Variants in BTBD10 observed in about 807,000 individuals in gnomAD.
The protein encoded by BTBD10 is BTB/POZ domain-containing protein 10.
In BTBD10, 21 loss-of-function variants were observed where a neutral mutation model predicts 53.2. The ratio of observed to expected loss-of-function variants is 0.39; its 90% CI spans 0.28 to 0.57. The LOEUF (loss-of-function observed/expected upper bound fraction) is 0.57, where lower values mean the gene tolerates loss of function less well. BTBD10 is among the 20% of genes least tolerant of loss of function. BTBD10 has a pLI of 0.53. For synonymous variants in BTBD10, 149 were observed against 192.7 expected, an observed-to-expected ratio of 0.77 and a Z score of 1.88; for missense variants, 360 against 594.7, an observed-to-expected ratio of 0.61 and a Z score of 4.10.
At chr11:13,429,977 G>A (rs898531954) in intron 2 of BTBD10, among the ~76,000 whole-genome samples, 2 of 151,912 alleles carry the variant, frequency 1.3e-5, no homozygotes, top group African/African-American at 2.4e-5. Context: ...GTGGTGGCAG[G>A]CATCTGTGGT....
At position 13,388,712 on chromosome 11, in the gene BTBD10, T is replaced by C; in HGVS notation, c.*119A>G. The C allele has an allele frequency of 8.8e-7, 1 of 1,132,480 alleles. No homozygotes were observed. The allele number at this position is 1,132,480 out of a possible 1,614,324, so 70.2% of individuals were successfully genotyped here. A position where few individuals can be genotyped will look rare whatever the true frequency, so the allele number is the denominator to read the frequency against. ...GTCTTTAAAAAAGCCTACACTGCAA[T>C]ATCCTAAACATTGTTATGTGCATCT... On this transcript the variant is annotated 3_prime_UTR_variant, in exon 9 of 9. Transcript: ENST00000278174.
chr11:13,402,269 G>A (rs1169119277), intron 8 of BTBD10, among the ~76,000 whole-genome samples: 1 of 152,128 alleles, frequency 6.6e-6, no homozygotes, highest in Non-Finnish European at 1.5e-5. Flanking sequence ...AATCAGGTAG[G>A]TCAATGATCA....
chr11:13,437,657 T>A (rs761808289), intron 2 of BTBD10, among the ~76,000 whole-genome samples: 12 of 152,236 alleles, frequency 7.9e-5, no homozygotes, highest in Admixed American at 2.0e-4. Flanking sequence ...GCGTTGCTAG[T>A]CTACTAACTG....
At chr11:13,462,141 T>C (rs1951115383) in intron 1 of BTBD10, among the ~76,000 whole-genome samples, 1 of 152,160 alleles carries the variant, frequency 6.6e-6, no homozygotes, top group Non-Finnish European at 1.5e-5. Context: ...TTCCACAGTC[T>C]CTTTCATTGA....
At position 13,413,266 on chromosome 11, in the gene BTBD10, T is replaced by C. The variant is rs562278368; in HGVS notation, c.808+264A>G. Among the ~76,000 whole-genome samples the C allele has an allele frequency of 1.1e-4, 16 of 152,028 alleles. No homozygotes were observed. In the South Asian group the frequency reaches 3.3e-3, roughly 32 times the overall value. ...TCTAGGAGATAAAACTGGTAACAAA[T>C]AAATAATATAGAAAACTGTCTAGGA... On this transcript the variant is annotated intron_variant, in intron 6 of 8. Coordinates refer to ENST00000278174, the MANE Select transcript of BTBD10 (RefSeq NM_032320.7).
At chr11:13,445,231 A>G in intron 1 of BTBD10, 50 bp from the exon 2 acceptor site, 1 of 684,602 alleles carries the variant, frequency 1.5e-6, no homozygotes, top group Non-Finnish European at 2.5e-6. Context: ...CGCAGAATAA[A>G]ATAGTCATAG....
chr11:13,397,772 T>C (rs1196977202), intron 8 of BTBD10, among the ~76,000 whole-genome samples: 8 of 152,222 alleles, frequency 5.3e-5, no homozygotes, highest in Admixed American at 4.6e-4. Context: ...AAAGTACAGC[T>C]TTATGTCTGC....
At chr11:13,391,996 C>T (rs964518627) in intron 8 of BTBD10, among the ~76,000 whole-genome samples, 1 of 152,148 alleles carries the variant, frequency 6.6e-6, no homozygotes, top group Non-Finnish European at 1.5e-5. Context: ...ACAGGGCAAG[C>T]CTGCCCCTGA....
At chr11:13,444,399 T>C (rs1950717888) in intron 2 of BTBD10, among the ~76,000 whole-genome samples, 1 of 152,148 alleles carries the variant, frequency 6.6e-6, no homozygotes, top group Non-Finnish European at 1.5e-5. Flanking sequence ...TCAATTAACA[T>C]CTTAAAATTT....
intron 6 of BTBD10, among the ~76,000 whole-genome samples, chr11:13,412,385 AGAGGTTGC>A (rs1949976913): frequency 6.6e-6 from 1 of 152,076 alleles, no homozygotes; most frequent in South Asian, 2.1e-4. Context: ...CTCAGGAAGC[AGAGGTTGC>A]AGTGAGCTGA....
At chr11:13,438,957 C>T (rs925236200) in intron 2 of BTBD10, among the ~76,000 whole-genome samples, 4 of 151,874 alleles carry the variant, frequency 2.6e-5, no homozygotes, top group Non-Finnish European at 5.9e-5. Flanking sequence ...ATACAAGATA[C>T]CACGAACAGA....
intron 2 of BTBD10, among the ~76,000 whole-genome samples, chr11:13,435,799 G>T (rs1199059911): frequency 6.6e-6 from 1 of 152,104 alleles, no homozygotes. Context: ...CCACAAAACA[G>T]ATTTCTAAAG....
chr11:13,389,065 T>C lies in BTBD10; in HGVS notation c.1194A>G (p.Arg398=), dbSNP rs1949334368. The C allele has an allele frequency of 6.2e-7, 1 of 1,613,938 alleles. No homozygotes were observed. Among genetic ancestry groups the C allele is most frequent in the African/African-American group, 1.3e-5 (1 of 74,904 alleles). The change falls in exon 9 of 9, where the codon AGA becomes AGG. Residue 398 remains arginine, a synonymous_variant. Coordinates refer to ENST00000278174, the MANE Select transcript of BTBD10 (RefSeq NM_032320.7). ...TCTCCCAGGACATTCGAATAAAGGG[T>C]CTTTGGACATAGTTGTAGATCACTT... The part of the protein sequence containing the change: ...RPEVIYNYVQ[R]PFIRMSWEKE...
Position 13,440,349 on chromosome 11 carries a change from C to T in BTBD10, c.101+4675G>A, listed in dbSNP as rs183765839. Reference sequence around the variant, plus strand: ...TATTGTAATTGATAGACAGGCATAACAAAACGCAGGAGTTGAGGGCTTAGA... The same window carrying T: ...TATTGTAATTGATAGACAGGCATAATAAAACGCAGGAGTTGAGGGCTTAGA... On this transcript the variant is annotated intron_variant, in intron 2 of 8. Coordinates refer to ENST00000278174, the MANE Select transcript of BTBD10 (RefSeq NM_032320.7). The T allele has an allele frequency of 2.6e-4, 271 of 1,056,362 alleles. No individual in the cohort carries two copies. The African/African-American group carries it at 4.4e-3, about 17-fold the overall frequency. The allele number at this position is 1,056,362 out of a possible 1,614,324, so 65.4% of individuals were successfully genotyped here.
intron 2 of BTBD10, among the ~76,000 whole-genome samples, chr11:13,438,780 A>G (rs962501254): frequency 5.9e-5 from 9 of 151,904 alleles, no homozygotes; most frequent in African/African-American, 2.2e-4. Flanking sequence ...AGTATGTACC[A>G]TTTTCACAAT....
intron 2 of BTBD10, among the ~76,000 whole-genome samples, chr11:13,438,100 A>C (rs937123644): frequency 2.6e-5 from 4 of 151,980 alleles, no homozygotes; most frequent in Admixed American, 2.6e-4. Flanking sequence ...TTTCCCTCTC[A>C]TTGTCATGCA....
intron 1 of BTBD10, among the ~76,000 whole-genome samples, chr11:13,455,648 A>G (rs1450139200): frequency 2.0e-5 from 3 of 152,200 alleles, no homozygotes; most frequent in African/African-American, 7.2e-5. Flanking sequence ...TCAAAACCAG[A>G]AACACCTTAG....
At chr11:13,435,713 G>C (rs1345806872) in intron 2 of BTBD10, among the ~76,000 whole-genome samples, 1 of 152,046 alleles carries the variant, frequency 6.6e-6, no homozygotes, top group African/African-American at 2.4e-5. Flanking sequence ...GGCTGATCTT[G>C]AACTCCTGAC....
At position 13,421,798 on chromosome 11, in the gene BTBD10, T is replaced by C; in HGVS notation, c.142A>G (p.Lys48Glu). 5 of 1,613,868 alleles carry C rather than the reference T, an allele frequency of 3.1e-6. No homozygotes were observed. Among genetic ancestry groups the C allele is most frequent in the Non-Finnish European group, 4.2e-6 (5 of 1,179,864 alleles). Residue 48 changes from lysine (K) to glutamate (E), a missense_variant, in exon 3 of 9, where the codon AAA becomes GAA. Transcript: ENST00000278174. ...RIAKGGVDHT[K>E]MSLHGASGGH... is the part of the protein sequence containing the mutation. The stretch of plus-strand genomic sequence containing the variant: ...CCACTAGCACCATGTAGACTCATTT[T>C]GGTGTGGTCAACTCCTCCTTTAGCA...
Sources: gnomAD v4.1 joint callset for allele counts (sites outside exome capture counted in the v4.1 genomes callset) on GRCh38, gnomAD v4.1.1 for gene constraint, MANE v1.5 for transcripts, NCBI Gene and HGNC (gene_info 2026-07-23, HGNC 2026-07-21) for gene names.